TXNRD1: variants seen among roughly 807,000 people sequenced by gnomAD.
TXNRD1 encodes the protein thioredoxin reductase 1.
Under a neutral mutation model 80.3 loss-of-function variants are expected in TXNRD1, and 57 were observed. The observed-to-expected ratio is 0.71, with a 90% confidence interval of 0.57 to 0.89. The LOEUF (loss-of-function observed/expected upper bound fraction) is 0.89, where lower values mean the gene tolerates loss of function less well. Ranked by LOEUF, TXNRD1 falls within the 40% of genes least tolerant of loss-of-function variation. TXNRD1 has a pLI of 0.00. For synonymous variants in TXNRD1, 291 were observed against 285.2 expected, an observed-to-expected ratio of 1.02 and a Z score of -0.20; for missense variants, 730 against 803.0, an observed-to-expected ratio of 0.91 and a Z score of 1.10.
intron 1 of TXNRD1, among the ~76,000 whole-genome samples, chr12:104,249,935 C>CAAAAAAA (rs59924751): frequency 2.0e-5 from 2 of 102,536 alleles, no homozygotes; most frequent in African/African-American, 3.8e-5. Context: ...GACGCCGTCT[C>CAAAAAAA]AAAAAAAAAA....
At chr12:104,344,396 T>C (rs140586065) in intron 16 of TXNRD1, among the ~76,000 whole-genome samples, 1 of 152,236 alleles carries the variant, frequency 6.6e-6, no homozygotes, top group Non-Finnish European at 1.5e-5. Flanking sequence ...ACTACTTGCG[T>C]TGATACTGGA....
chr12:104,329,710 C>T (rs2035886231), intron 13 of TXNRD1, among the ~76,000 whole-genome samples: 1 of 152,126 alleles, frequency 6.6e-6, no homozygotes, highest in Admixed American at 6.6e-5. Flanking sequence ...TGGACATACT[C>T]TTCTCTGTCT....
At chr12:104,287,234 G>A (rs2034000320) in intron 3 of TXNRD1, 2 of 1,612,910 alleles carry the variant, frequency 1.2e-6, no homozygotes, top group Non-Finnish European at 1.7e-6. Flanking sequence ...TCTCGGGGAA[G>A]GGAAGATATT....
intron 1 of TXNRD1, among the ~76,000 whole-genome samples, chr12:104,245,839 G>C (rs767019005): frequency 6.6e-6 from 1 of 152,142 alleles, no homozygotes; most frequent in Non-Finnish European, 1.5e-5. Context: ...GCCGGGCGCG[G>C]TGGCTCACGC....
chr12:104,277,848 A>G (rs888157514), intron 3 of TXNRD1, among the ~76,000 whole-genome samples: 2 of 151,094 alleles, frequency 1.3e-5, no homozygotes, highest in Non-Finnish European at 2.9e-5. Context: ...CAGCTCCAAC[A>G]CTTACCTGGT....
chr12:104,304,563 T>G (rs764221279), intron 4 of TXNRD1: 1 of 1,614,048 alleles, frequency 6.2e-7, no homozygotes, highest in South Asian at 1.1e-5. Flanking sequence ...AAGTTGGACC[T>G]GAGTAGTTAT....
intron 1 of TXNRD1, among the ~76,000 whole-genome samples, chr12:104,227,509 C>G (rs1593682865): frequency 6.6e-6 from 1 of 152,178 alleles, no homozygotes; most frequent in East Asian, 1.9e-4. Context: ...TCAAGCCATC[C>G]TCCCTCCTGG....
chr12:104,335,203 T>C (rs1428013058), intron 15 of TXNRD1, among the ~76,000 whole-genome samples: 17 of 4,690 alleles, frequency 3.6e-3, no homozygotes, highest in Non-Finnish European at 0.01. Flanking sequence ...TACAGTCCTT[T>C]TTTTTTTTTT....
intron 3 of TXNRD1, 38 bp downstream of exon 3, chr12:104,258,117 C>G (rs1163612528): frequency 7.1e-7 from 1 of 1,409,912 alleles, no homozygotes; most frequent in Non-Finnish European, 9.7e-7. Context: ...TAGCTGCTGA[C>G]TGTACATTTT....
intron 4 of TXNRD1, chr12:104,305,196 G>C: frequency 3.3e-6 from 1 of 305,836 alleles, no homozygotes; most frequent in South Asian, 1.1e-4. Context: ...AACAAGTTTT[G>C]GATACCAAAT....
chr12:104,250,489 C>G (rs1424324184), intron 1 of TXNRD1, among the ~76,000 whole-genome samples: 1 of 151,854 alleles, frequency 6.6e-6, no homozygotes, highest in East Asian at 1.9e-4. Context: ...GAATGATAAC[C>G]TAAGTTTGAA....
intron 1 of TXNRD1, 32 bp from the exon 2 acceptor site, chr12:104,251,495 A>G: frequency 6.2e-7 from 1 of 1,605,082 alleles, no homozygotes; most frequent in Non-Finnish European, 8.5e-7. Context: ...TTCCTTTGTG[A>G]TAATTACCAT....
At chr12:104,291,629 G>C (rs770161821) in intron 4 of TXNRD1, among the ~76,000 whole-genome samples, 14 of 151,622 alleles carry the variant, frequency 9.2e-5, no homozygotes, top group Non-Finnish European at 1.9e-4. Context: ...GATTACAGGC[G>C]CCTGCCACCG....
chr12:104,248,106 T>C (rs1380178542), intron 1 of TXNRD1, among the ~76,000 whole-genome samples: 4 of 152,308 alleles, frequency 2.6e-5, no homozygotes, highest in African/African-American at 9.6e-5. Context: ...AGAGTTTAAT[T>C]TTAAAATTTT....
intron 15 of TXNRD1, among the ~76,000 whole-genome samples, chr12:104,335,168 A>C (rs1178420063): frequency 1.3e-5 from 2 of 151,142 alleles, no homozygotes; most frequent in Admixed American, 6.6e-5. Context: ...TGTCCAGGTG[A>C]ATAAGAGTAC....
At chr12:104,291,533 G>T (rs1480319568) in intron 4 of TXNRD1, among the ~76,000 whole-genome samples, 2 of 146,522 alleles carry the variant, frequency 1.4e-5, no homozygotes, top group Admixed American at 6.9e-5. Context: ...GCCCAGGCTG[G>T]AGTTCAGTGG....
At chr12:104,225,008 A>G (rs1417758558) in intron 1 of TXNRD1, 2 of 414,360 alleles carry the variant, frequency 4.8e-6, no homozygotes, top group South Asian at 1.7e-5. Context: ...TTTTTTTGAA[A>G]GAGGGGATAA....
rs1271801173 is a variant in TXNRD1, at chr12:104,349,228, T to C, written c.*807T>C. 2 of 152,242 alleles carry C rather than the reference T, an allele frequency of 1.3e-5. No individual in the cohort carries two copies. Among genetic ancestry groups the C allele is most frequent in the Non-Finnish European group, 2.9e-5 (2 of 68,046 alleles). 9.4% of individuals were successfully genotyped at this position (152,242 alleles called of 1,614,324 possible). ...CCAGAAATGGGGGAGAAACAGTACA[T>C]ATCTTTCTGTCTTTAGTTTATTGTG... On this transcript the variant is annotated 3_prime_UTR_variant, in exon 17 of 17. Transcript: ENST00000525566.
At chr12:104,216,463 C>T (rs17807362) in intron 1 of TXNRD1, among the ~76,000 whole-genome samples, 10,465 of 152,250 alleles carry the variant, frequency 0.069, 467 homozygotes, top group African/African-American at 0.12. Flanking sequence ...TATCCTTTCA[C>T]TTGTTCTTCC....
Sources: gnomAD v4.1 joint callset for allele counts (sites outside exome capture counted in the v4.1 genomes callset) on GRCh38, gnomAD v4.1.1 for gene constraint, MANE v1.5 for transcripts, NCBI Gene and HGNC (gene_info 2026-07-23, HGNC 2026-07-21) for gene names.